The following SUN1 variants were observed in gnomAD, a reference collection of about 807,000 sequenced individuals.
SUN1 encodes the protein SUN domain-containing protein 1.
SUN1 carries 61 observed loss-of-function variants against 103.2 expected under a neutral mutation model. The ratio of observed to expected loss-of-function variants is 0.59; its 90% CI spans 0.48 to 0.73. The LOEUF is 0.73. Ranked by LOEUF, SUN1 falls within the 30% of genes least tolerant of loss-of-function variation. The pLI, the probability that SUN1 is intolerant of heterozygous loss-of-function variation, is 0.00. For synonymous variants in SUN1, 490 were observed against 425.7 expected (o/e 1.15, Z -1.86); for missense variants, 1,052 against 1,034.6 (o/e 1.02, Z -0.23).
Position 873,722 on chromosome 7 carries a change from G to A in SUN1, c.*391G>A. ...TCTTCTAAAGGACTTTTGGAGGGCA[G>A]ATAATTTCATCTGTTAAATCCAACA... On this transcript the variant is annotated 3_prime_UTR_variant, in exon 19 of 19. Transcript: ENST00000401592. 1 of 165,822 alleles carries A rather than the reference G, an allele frequency of 6.0e-6. No individual in the cohort carries two copies. 10.3% of individuals were successfully genotyped at this position (165,822 alleles called of 1,614,324 possible). A position where few individuals can be genotyped will look rare whatever the true frequency, so the allele number is the denominator to read the frequency against.
intron 5 of SUN1, chr7:843,756 C>G: frequency 7.0e-7 from 1 of 1,427,160 alleles, no homozygotes; most frequent in Non-Finnish European, 9.2e-7. Flanking sequence ...TTGGACTTGA[C>G]GTGAGCAAAA....
intron 5 of SUN1, among the ~76,000 whole-genome samples, chr7:846,922 G>A (rs1477628961): frequency 6.6e-6 from 1 of 152,150 alleles, no homozygotes; most frequent in Non-Finnish European, 1.5e-5. Context: ...GCTGAGGCAG[G>A]AGGATCACTT....
At chr7:830,862 C>T (rs1316001470), upstream of SUN1, 1 of 815,720 alleles carries the variant, frequency 1.2e-6, no homozygotes, top group South Asian at 5.5e-5. Context: ...TGGGTTGTTG[C>T]TCGGCAGTGC....
chr7:851,405 T>C lies in SUN1; in HGVS notation c.680T>C (p.Leu227Pro), dbSNP rs1821990224. ...ACAGGTTACTTCTTGCTGCAGATTC[T>C]GCGCAGGATCGGAGCTGTGGGCCAG... ...NQKCYFLLQI[L>P]RRIGAVGQAV... Residue 227 changes from leucine to proline, a missense_variant, in exon 6 of 19, where the codon CTG (leucine) becomes CCG (proline). Leu to Pro is a moderately conservative substitution (Grantham distance 98). Transcript: ENST00000401592. 6.2e-7 allele frequency: 1 copy of C among 1,607,474 alleles called. No individual in the cohort carries two copies. The highest frequency in any genetic ancestry group is 1.3e-5 in the African/African-American group (1 of 74,874).
In SUN1 at chr7:832,654, C is replaced by CG. The variant is rs765276789; in HGVS notation, c.77+54dup. ...TGGCCTTGCAATGCCCACTCGCTGTCGCGGTGGCGTGGACCTTAACAGGAA... is the reference window on the plus strand; with the variant it reads ...TGGCCTTGCAATGCCCACTCGCTGTCGGCGGTGGCGTGGACCTTAACAGGAA... On this transcript the variant is annotated intron_variant, in intron 1 of 18. Transcript: ENST00000401592. 4.1e-5 allele frequency: 61 copies of CG among 1,470,546 alleles called. No individual in the cohort carries two copies. In the South Asian group the frequency reaches 6.8e-4, roughly 16 times the overall value. The allele number at this position is 1,470,546 out of a possible 1,614,324, so 91.1% of individuals were successfully genotyped here.
At chr7:829,691 A>G (rs963421952), upstream of SUN1, among the ~76,000 whole-genome samples, 12 of 151,668 alleles carry the variant, frequency 7.9e-5, no homozygotes, top group African/African-American at 2.9e-4. Context: ...AGTACCTGGG[A>G]CTACAGGCGC....
chr7:823,818 G>A (rs1293063550), intron 1 of SUN1, among the ~76,000 whole-genome samples: 1 of 152,172 alleles, frequency 6.6e-6, no homozygotes, highest in African/African-American at 2.4e-5. Context: ...CACGCGCCCT[G>A]GGGAGGGAGG....
At chr7:825,619 T>C (rs75080627) in intron 1 of SUN1, among the ~76,000 whole-genome samples, 2,000 of 152,322 alleles carry the variant, frequency 0.013, 21 homozygotes, top group Admixed American at 0.021. Context: ...AATCAGTTCA[T>C]TTTTAAGGAT....
rs763098379 is a variant in SUN1 at position 843,435 on chromosome 7, G to C, written c.573G>C (p.Leu191=). The part of the protein sequence containing the change: ...NGFSCSNCSM[L]SERKDVLTAH... ...TCTCCTGCAGCAACTGCAGCATGCT[G>C]TCCGAGCGCAAGGACGTGCTCACGG... is the stretch of plus-strand genomic sequence containing the variant. Residue 191 remains leucine, a synonymous_variant, in exon 5 of 19, where the codon CTG becomes CTC. Transcript: ENST00000401592. 33 of 1,613,986 alleles carry C rather than the reference G, an allele frequency of 2.0e-5. No individual in the cohort carries two copies. Among genetic ancestry groups the C allele is most frequent in the Non-Finnish European group, 2.6e-5 (31 of 1,180,022 alleles).
chr7:869,242 A>G (rs561161453), intron 16 of SUN1, 107 bp from the exon 17 acceptor site: 28 of 1,390,280 alleles, frequency 2.0e-5, no homozygotes, highest in Non-Finnish European at 2.5e-5. Flanking sequence ...AGTTTCTACC[A>G]TGTAAAACTT....
Position 860,503 on chromosome 7 carries a change from T to C in SUN1, c.1779+121T>C, listed in dbSNP as rs181394657. On this transcript the variant is annotated intron_variant, in intron 14 of 18. Transcript: ENST00000401592. ...TAAGAGTGGTCTGGCTGGGGTGTGC[T>C]TAGCTGACGTAAGTGAGATGAGACG... The C allele has an allele frequency of 2.8e-4, 420 of 1,490,488 alleles. 1 individual carries two copies. Among genetic ancestry groups the C allele is most frequent in the African/African-American group, 1.1e-3 (79 of 72,352 alleles). The allele number at this position is 1,490,488 out of a possible 1,614,324, so 92.3% of individuals were successfully genotyped here.
intron 11 of SUN1, among the ~76,000 whole-genome samples, chr7:855,304 C>T (rs1028808526): frequency 3.2e-4 from 49 of 152,330 alleles, no homozygotes; most frequent in Admixed American, 6.5e-4. Context: ...CAGCTCTTTC[C>T]GGCTCCAGGG....
At position 851,424 on chromosome 7, in the gene SUN1, G is replaced by C; in HGVS notation, c.699G>C (p.Val233=). 1 of 1,610,380 alleles carries C rather than the reference G, an allele frequency of 6.2e-7. No individual in the cohort carries two copies. The highest frequency in any genetic ancestry group is 8.5e-7 in the Non-Finnish European group (1 of 1,178,404). ...LLQILRRIGA[V]GQAVSRTAWS... Reference sequence around the variant, plus strand: ...AGATTCTGCGCAGGATCGGAGCTGTGGGCCAGGCTGTGTCCAGGACGGCGT... The same window carrying C: ...AGATTCTGCGCAGGATCGGAGCTGTCGGCCAGGCTGTGTCCAGGACGGCGT... Residue 233 remains valine, a synonymous_variant, in exon 6 of 19, where the codon GTG becomes GTC. Coordinates refer to ENST00000401592, the MANE Select transcript of SUN1 (RefSeq NM_001130965.3).
In SUN1 at chr7:861,591, G is replaced by T. The variant is rs1466682364; in HGVS notation, c.1864+127G>T. 3.3e-6 allele frequency: 3 copies of T among 903,830 alleles called. No homozygotes were observed. The East Asian group carries it at 7.6e-5, about 23-fold the overall frequency. The allele number at this position is 903,830 out of a possible 1,614,324, so 56.0% of individuals were successfully genotyped here. The stretch of plus-strand genomic sequence containing the variant: ...TCCTAACTTTTAAACATCTGAGAAA[G>T]GGAGCATGATTCTGGGCATGACCCT... On this transcript the variant is annotated intron_variant, in intron 15 of 18. Transcript: ENST00000401592.
chr7:831,518 C>G (rs1264183030), upstream of SUN1, among the ~76,000 whole-genome samples: 1 of 152,200 alleles, frequency 6.6e-6, no homozygotes. Context: ...GATCCGCCCA[C>G]CTCGGCCTCC....
At chr7:842,856 C>G in intron 3 of SUN1, 1 of 436,328 alleles carries the variant, frequency 2.3e-6, no homozygotes, top group African/African-American at 2.0e-5. Context: ...GAGTGGTTAC[C>G]AGGCAACAGA....
intron 1 of SUN1, chr7:817,280 G>A (rs1781574260): frequency 1.3e-6 from 1 of 755,456 alleles, no homozygotes; most frequent in Admixed American, 2.2e-5. Flanking sequence ...TTTTTTGTAG[G>A]GTTGTGGTCT....
intron 1 of SUN1, among the ~76,000 whole-genome samples, chr7:821,673 T>C (rs768724284): frequency 8.5e-5 from 13 of 152,278 alleles, no homozygotes; most frequent in Admixed American, 5.2e-4. Context: ...GATGAAAGCA[T>C]CCTTCAGCGT....
intron 13 of SUN1, among the ~76,000 whole-genome samples, chr7:858,961 C>T (rs576137843): frequency 5.8e-4 from 88 of 152,270 alleles, no homozygotes; most frequent in African/African-American, 2.0e-3. Flanking sequence ...CAAGACCAGC[C>T]TGGCCAACAT....
Sources: allele counts gnomAD v4.1 joint callset (sites outside exome capture counted in the v4.1 genomes callset), GRCh38; gene constraint gnomAD v4.1.1; transcripts MANE v1.5; gene names NCBI Gene and HGNC (gene_info 2026-07-23, HGNC 2026-07-21).